ATRIP: variants seen among roughly 807,000 people sequenced by gnomAD.
The protein encoded by ATRIP is ATR interacting protein.
In ATRIP, 44 loss-of-function variants were observed where a neutral mutation model predicts 78.1. The ratio of observed to expected loss-of-function variants is 0.56; its 90% CI spans 0.44 to 0.72. The LOEUF (loss-of-function observed/expected upper bound fraction) is 0.72, where lower values mean the gene tolerates loss of function less well. ATRIP is among the 30% of genes least tolerant of loss of function. The pLI is 0.00. For missense variants in ATRIP, 927 were observed against 980.2 expected, an observed-to-expected ratio of 0.95 and a Z score of 0.72; for synonymous variants, 388 against 408.9, an observed-to-expected ratio of 0.95 and a Z score of 0.62.
chr3:48,450,578 A>G (rs1184650296), intron 2 of ATRIP: 1 of 1,160,528 alleles, frequency 8.6e-7, no homozygotes, highest in Admixed American at 2.8e-5. Flanking sequence ...TGTGCAAGGT[A>G]TGTGACCCAG....
At chr3:48,462,330 A>G (rs905632226) in intron 8 of ATRIP, among the ~76,000 whole-genome samples, 1 of 151,996 alleles carries the variant, frequency 6.6e-6, no homozygotes, top group African/African-American at 2.4e-5. Flanking sequence ...GAGCTTGTCC[A>G]CAGGGACATT....
rs1242458331 is a variant in ATRIP, at chr3:48,466,303, T to A, written c.*749T>A. 13 of 731,344 alleles carry A rather than the reference T, an allele frequency of 1.8e-5. No homozygotes were observed. Among genetic ancestry groups the A allele is most frequent in the Non-Finnish European group, 4.7e-6 (2 of 422,270 alleles). The allele number at this position is 731,344 out of a possible 1,614,324, so 45.3% of individuals were successfully genotyped here. ...AGTCACTACTGCCTGCCTGCCTGCC[T>A]GCTACGGTGAGTGTGGCCCCCACAA... On this transcript the variant is annotated 3_prime_UTR_variant, in exon 13 of 13. Coordinates refer to ENST00000320211, the MANE Select transcript of ATRIP (RefSeq NM_130384.3).
chr3:48,459,676 T>C (rs2040047187), intron 6 of ATRIP, 111 bp from the exon 7 acceptor site: 9 of 1,438,428 alleles, frequency 6.3e-6, no homozygotes, highest in African/African-American at 1.4e-5. Context: ...TGGGGCTTAG[T>C]GGCAGCCTAG....
chr3:48,454,519 T>C, intron 4 of ATRIP, 101 bp downstream of exon 4: 1 of 779,642 alleles, frequency 1.3e-6, no homozygotes, highest in Non-Finnish European at 2.1e-6. Flanking sequence ...TTTAGACCCC[T>C]CCACCTGGGC....
intron 12 of ATRIP, 102 bp downstream of exon 12, chr3:48,465,185 C>G (rs1219182513): frequency 6.9e-7 from 1 of 1,452,192 alleles, no homozygotes; most frequent in East Asian, 2.3e-5. Context: ...CCCCCGCCCA[C>G]TGCAGCCTGT....
intron 3 of ATRIP, among the ~76,000 whole-genome samples, chr3:48,453,936 T>G (rs1455738944): frequency 3.9e-5 from 6 of 152,200 alleles, no homozygotes; most frequent in Admixed American, 3.9e-4. Flanking sequence ...TTTTTTAAAT[T>G]TTTTGTAGAG....
intron 3 of ATRIP, 133 bp downstream of exon 3, chr3:48,452,032 C>T (rs2039849721): frequency 1.2e-6 from 1 of 864,380 alleles, no homozygotes; most frequent in Admixed American, 2.8e-5. Context: ...ATCTCATTGC[C>T]ATCCACTCTT....
chr3:48,458,202 C>T (rs1331901894), intron 5 of ATRIP, among the ~76,000 whole-genome samples: 2 of 151,660 alleles, frequency 1.3e-5, no homozygotes, highest in Non-Finnish European at 2.9e-5. Context: ...CTCAGACTCC[C>T]GAATAGCTGG....
intron 3 of ATRIP, among the ~76,000 whole-genome samples, chr3:48,453,662 GCA>G (rs2039887199): frequency 6.6e-6 from 1 of 152,206 alleles, no homozygotes; most frequent in South Asian, 2.1e-4. Context: ...TCTCTATACT[GCA>G]CAGTGTCTTG....
chr3:48,447,118 T>G, intron 1 of ATRIP, 26 bp downstream of exon 1: 1 of 1,474,686 alleles, frequency 6.8e-7, no homozygotes, highest in Non-Finnish European at 9.0e-7. Flanking sequence ...GGCCTTTTGC[T>G]CGGAGGGAGT....
intron 1 of ATRIP, among the ~76,000 whole-genome samples, chr3:48,449,174 G>T (rs1040018367): frequency 6.6e-6 from 1 of 152,110 alleles, no homozygotes; most frequent in African/African-American, 2.4e-5. Context: ...AGCACTTTGG[G>T]AGGCCAAGGT....
chr3:48,460,054 T>C (rs2040056407), intron 7 of ATRIP, 56 bp from the exon 8 acceptor site: 5 of 1,567,308 alleles, frequency 3.2e-6, no homozygotes, highest in African/African-American at 1.4e-5. Context: ...TGTTTGGGGC[T>C]CTTGACCTTA....
rs748008845 is a variant in ATRIP, at chr3:48,446,864, C to A, written c.19C>A (p.Pro7Thr). 3 of 1,402,158 alleles carry A rather than the reference C, an allele frequency of 2.1e-6. No homozygotes were observed. The highest frequency in any genetic ancestry group is 3.7e-5 in the South Asian group (2 of 53,556). The allele number at this position is 1,402,158 out of a possible 1,614,324, so 86.9% of individuals were successfully genotyped here. Residue 7 changes from proline (P) to threonine (T), a missense_variant, in exon 1 of 13, where the codon CCA becomes ACA. By Grantham distance (38) the Pro-to-Thr change is conservative (BLOSUM62 -1). Coordinates refer to ENST00000320211, the MANE Select transcript of ATRIP (RefSeq NM_130384.3). MAGTSA[P>T]GSKRRSEPPA... The stretch of plus-strand genomic sequence containing the variant: ...GGAAAGCATGGCGGGGACCTCCGCG[C>A]CAGGCAGCAAGAGGCGGAGCGAGCC...
At position 48,460,784 on chromosome 3, in the gene ATRIP, G is replaced by A; in HGVS notation, c.1730G>A (p.Cys577Tyr). ...GTGAAATTAGCCGAAAACACTTCCT[G>A]TGATTTCTTGCCCAGGTATTAAGCT... ...VLVKLAENTS[C>Y]DFLPRFQCVF... The change falls in exon 8 of 13, where the codon TGT (cysteine) becomes TAT (tyrosine). Residue 577 changes from cysteine (C) to tyrosine (Y), a missense_variant. Cys to Tyr is a radical substitution (Grantham distance 194). Transcript: ENST00000320211. 4.4e-6 allele frequency: 7 copies of A among 1,598,016 alleles called. No individual in the cohort carries two copies. The highest frequency in any genetic ancestry group is 6.0e-6 in the Non-Finnish European group (7 of 1,167,266).
intron 8 of ATRIP, among the ~76,000 whole-genome samples, chr3:48,461,914 C>G (rs1219654277): frequency 6.6e-6 from 1 of 152,160 alleles, no homozygotes; most frequent in Non-Finnish European, 1.5e-5. Flanking sequence ...CCATGTTGGC[C>G]AGGCTTGTCT....
At chr3:48,450,715 T>C in intron 2 of ATRIP, 1 of 383,616 alleles carries the variant, frequency 2.6e-6, no homozygotes, top group South Asian at 2.1e-5. Context: ...GCTTCCAGAG[T>C]AGCTGGGACT....
intron 2 of ATRIP, chr3:48,450,661 A>C: frequency 5.7e-6 from 4 of 697,856 alleles, no homozygotes; most frequent in Non-Finnish European, 8.2e-6. Flanking sequence ...ATCTTGGCTC[A>C]CTTCAACCTC....
intron 8 of ATRIP, among the ~76,000 whole-genome samples, chr3:48,461,856 C>T (rs969960871): frequency 1.3e-5 from 2 of 152,150 alleles, no homozygotes; most frequent in African/African-American, 4.8e-5. Context: ...AGGCACCTGC[C>T]ACCACACCTG....
rs2040349486 is a variant in ATRIP, at chr3:48,467,067, C to G, written c.*1513C>G. On this transcript the variant is annotated 3_prime_UTR_variant, in exon 13 of 13. Transcript: ENST00000320211. ...CGACTTCCCCCTGCTCCAAGCAGAG[C>G]TGGCTATGCTGGGCCTCACCAGTGC... 6 of 1,613,986 alleles carry G rather than the reference C, an allele frequency of 3.7e-6. No homozygotes were observed. The African/African-American group carries it at 6.7e-5, about 18-fold the overall frequency.
Sources: allele counts gnomAD v4.1 joint callset (sites outside exome capture counted in the v4.1 genomes callset), GRCh38; gene constraint gnomAD v4.1.1; transcripts MANE v1.5; gene names NCBI Gene and HGNC (gene_info 2026-07-23, HGNC 2026-07-21).